BRPF1: variants seen among roughly 807,000 people sequenced by gnomAD.
BRPF1 encodes the protein bromodomain and PHD finger containing 1, also known as peregrin.
BRPF1 carries 15 observed loss-of-function variants against 115.0 expected under a neutral mutation model. That is an observed-to-expected ratio of 0.13 (90% confidence interval 0.09 to 0.20). BRPF1 has a LOEUF of 0.20. BRPF1 is among the 10% of genes least tolerant of loss of function. BRPF1 has a pLI of 1.00. For synonymous variants in BRPF1, 647 were observed against 619.8 expected, an observed-to-expected ratio of 1.04 and a Z score of -0.65; for missense variants, 1,118 against 1,638.3, an observed-to-expected ratio of 0.68 and a Z score of 5.48.
chr3:9,744,987 C>T, intron 9 of BRPF1, 21 bp from the exon 10 acceptor site: 1 of 1,614,176 alleles, frequency 6.2e-7, no homozygotes, highest in Non-Finnish European at 8.5e-7. Context: ...TCCTTCCCTC[C>T]TCCCCTTCCC....
In BRPF1 at chr3:9,744,437, G is replaced by C. The variant is rs1378593989; in HGVS notation, c.2849G>C (p.Arg950Pro). The C allele has an allele frequency of 5.0e-6, 8 of 1,605,962 alleles. No homozygotes were observed. Among genetic ancestry groups the C allele is most frequent in the Admixed American group, 3.4e-5 (2 of 58,390 alleles). ...PIMSSLRQRK[R>P]GRSPRPSSSS... ...ATGAGTTCCCTGCGTCAGCGCAAGC[G>C]GGGTAGGAGCCCCCGGCCCAGTTCG... The change falls in exon 9 of 14, where the codon CGG becomes CCG. Residue 950 changes from arginine to proline, a missense_variant. Arg to Pro is a moderately radical substitution (Grantham distance 103). Transcript: ENST00000383829.
At chr3:9,736,637 C>T (rs902295613) in intron 2 of BRPF1, among the ~76,000 whole-genome samples, 8 of 152,198 alleles carry the variant, frequency 5.3e-5, no homozygotes, top group African/African-American at 1.7e-4. Flanking sequence ...TAGACTGACT[C>T]TTTCTTTCTG....
rs2077126079 is a variant in BRPF1, at chr3:9,746,362, C to A, written c.3387C>A (p.Pro1129=). ...ACCATGGGGTTCCCATCCCTGTGCC[C>A]CCACTGGAGGTGCTGAAACTTGGGG... The part of the protein sequence containing the change: ...MFHHGVPIPV[P]PLEVLKLGEQ... Residue 1129 remains proline (P), a synonymous_variant, in exon 13 of 14, where the codon CCC becomes CCA. Transcript: ENST00000383829. 3 of 1,608,250 alleles carry A rather than the reference C, an allele frequency of 1.9e-6. No individual in the cohort carries two copies. The East Asian group carries it at 6.7e-5, about 36-fold the overall frequency.
chr3:9,742,499 C>T (rs1451357907), intron 6 of BRPF1: 1 of 985,330 alleles, frequency 1.0e-6, no homozygotes, highest in African/African-American at 1.7e-5. Context: ...AGAACCAGCT[C>T]TGAAGCCCTA....
chr3:9,741,564 G>T, intron 5 of BRPF1, 125 bp downstream of exon 5: 1 of 1,045,252 alleles, frequency 9.6e-7, no homozygotes, highest in Non-Finnish European at 1.3e-6. Flanking sequence ...GTGAACCTGG[G>T]AGGAGGGGTT....
At position 9,745,584 on chromosome 3, in the gene BRPF1, C is replaced by T. The variant is rs749116586; in HGVS notation, c.3080C>T (p.Ser1027Leu). The T allele has an allele frequency of 2.5e-6, 4 of 1,614,036 alleles. No homozygotes were observed. The highest frequency in any genetic ancestry group is 1.7e-6 in the Non-Finnish European group (2 of 1,179,982). The change falls in exon 11 of 14, where the codon TCA (serine) becomes TTA (leucine). Residue 1027 changes from serine to leucine, a missense_variant. By Grantham distance (145) the Ser-to-Leu change is moderately radical. This residue lies in a region of BRPF1 where 100 missense variants were observed against 109.9 expected (regional missense o/e 0.91). Coordinates refer to ENST00000383829, the MANE Select transcript of BRPF1 (RefSeq NM_001003694.2). The surrounding 1 kb of genome is among the most constrained non-coding windows in gnomAD (Gnocchi z 5.1). Reference protein sequence around the residue: ...AASDRTSTTPSKQGRGKPSFS... With the variant: ...AASDRTSTTPLKQGRGKPSFS... ...TGTCTTGTCCACAGCACAACGCCCT[C>T]AAAACAAGGCCGGGGCAAACCCTCC...
chr3:9,741,039 T>A (rs1361619186), intron 4 of BRPF1, 98 bp downstream of exon 4: 3 of 1,321,200 alleles, frequency 2.3e-6, no homozygotes, highest in Non-Finnish European at 3.1e-6. Flanking sequence ...GGGCTTAGAC[T>A]CTTTCCTCCT....
rs17050543 is a variant in BRPF1, at chr3:9,745,843, C to T, written c.3237C>T (p.Gly1079=). ...MVRKSLGRGA[G]WLSEDEDSPL... ...GGAAGAGTCTGGGCCGGGGAGCTGGCTGGCTGTCAGAGGATGAGGACTCCC... is the reference window on the plus strand; with the variant it reads ...GGAAGAGTCTGGGCCGGGGAGCTGGTTGGCTGTCAGAGGATGAGGACTCCC... Residue 1079 remains glycine (G), a synonymous_variant, in exon 12 of 14, where the codon GGC becomes GGT. Coordinates refer to ENST00000383829, the MANE Select transcript of BRPF1 (RefSeq NM_001003694.2). This position sits in a 1 kb window ranked among gnomAD's most constrained non-coding sequence, Gnocchi z 5.1. 0.041 allele frequency: 65,979 copies of T among 1,614,066 alleles called. 1,628 individuals carry two copies. The highest frequency in any genetic ancestry group is 0.083 in the South Asian group (7,576 of 91,058).
chr3:9,742,865 A>T, intron 6 of BRPF1, 79 bp from the exon 7 acceptor site: 1 of 1,470,854 alleles, frequency 6.8e-7, no homozygotes, highest in East Asian at 2.3e-5. Context: ...GATGTGTTTC[A>T]GGGGGGCTTG....
At position 9,741,879 on chromosome 3, in the gene BRPF1, C is replaced by T. The variant is rs1167440870; in HGVS notation, c.1855-146C>T. The T allele has an allele frequency of 5.6e-6, 5 of 891,478 alleles. No individual in the cohort carries two copies. In the East Asian group the frequency reaches 1.3e-4, roughly 24 times the overall value. The allele number at this position is 891,478 out of a possible 1,614,324, so 55.2% of individuals were successfully genotyped here. Reference sequence around the variant, plus strand: ...TGGTGCAAGTTTCCCTGGGTGGAGCCTCATAGAAGGTAGACCTGTATGAGT... The same window carrying T: ...TGGTGCAAGTTTCCCTGGGTGGAGCTTCATAGAAGGTAGACCTGTATGAGT... On this transcript the variant is annotated intron_variant, in intron 5 of 13. Coordinates refer to ENST00000383829, the MANE Select transcript of BRPF1 (RefSeq NM_001003694.2).
chr3:9,744,615 A>G lies in BRPF1; in HGVS notation c.2920+107A>G, dbSNP rs116141130. ...TTTGCCCATAAAAGAGCGAGCTAGAAGGGTCCTTAGGAATCCTTTAACTCC... is the reference window on the plus strand; with the variant it reads ...TTTGCCCATAAAAGAGCGAGCTAGAGGGGTCCTTAGGAATCCTTTAACTCC... On this transcript the variant is annotated intron_variant, in intron 9 of 13. Transcript: ENST00000383829. 530 of 833,478 alleles carry G rather than the reference A, an allele frequency of 6.4e-4. No individual in the cohort carries two copies. In the African/African-American group the frequency reaches 8.3e-3, roughly 13 times the overall value. 51.6% of individuals were successfully genotyped at this position (833,478 alleles called of 1,614,324 possible).
At chr3:9,732,556 C>T (rs1326051501) in intron 1 of BRPF1, 2 of 152,380 alleles carry the variant, frequency 1.3e-5, no homozygotes, top group South Asian at 4.1e-4. Context: ...GCCTGTGCCT[C>T]TGCTGCCGGG....
At position 9,745,139 on chromosome 3, in the gene BRPF1, G is replaced by C. The variant is rs1219386208; in HGVS notation, c.3052G>C (p.Ala1018Pro). The C allele has an allele frequency of 6.2e-7, 1 of 1,614,176 alleles. No homozygotes were observed. The highest frequency in any genetic ancestry group is 8.5e-7 in the Non-Finnish European group (1 of 1,180,026). ...ESSSSSSSSA[A>P]SDRTSTTPSK... Reference sequence around the variant, plus strand: ...CAGCAGCAGTAGCAGTAGCAGCGCTGCTTCAGACCGGACCAGGTACCAGCC... The same window carrying C: ...CAGCAGCAGTAGCAGTAGCAGCGCTCCTTCAGACCGGACCAGGTACCAGCC... Residue 1018 changes from alanine to proline, a missense_variant, in exon 10 of 14, where the codon GCT (alanine) becomes CCT (proline). This residue lies in a region of BRPF1 where 100 missense variants were observed against 109.9 expected (regional missense o/e 0.91). Transcript: ENST00000383829. The surrounding 1 kb of genome is among the most constrained non-coding windows in gnomAD (Gnocchi z 5.1).
chr3:9,734,346 G>A lies in BRPF1; in HGVS notation c.206G>A (p.Arg69His), dbSNP rs777932950. 11 of 1,613,846 alleles carry A rather than the reference G, an allele frequency of 6.8e-6. No individual in the cohort carries two copies. Among genetic ancestry groups the A allele is most frequent in the African/African-American group, 5.3e-5 (4 of 74,814 alleles). ...RKHKKKGRQS[R>H]PANKQSPSPS... ...CACAAGAAAAAGGGGCGCCAGTCAC[G>A]CCCAGCCAACAAGCAGTCACCCAGC... is the stretch of plus-strand genomic sequence containing the variant. Residue 69 changes from arginine to histidine, a missense_variant, in exon 2 of 14, where the codon CGC becomes CAC. This residue lies in a region of BRPF1 where 280 missense variants were observed against 382.8 expected (regional missense o/e 0.73). Transcript: ENST00000383829. This position sits in a 1 kb window ranked among gnomAD's most constrained non-coding sequence, Gnocchi z 5.7.
chr3:9,738,349 T>C (rs1487338928), intron 2 of BRPF1, among the ~76,000 whole-genome samples: 1 of 152,222 alleles, frequency 6.6e-6, no homozygotes, highest in Non-Finnish European at 1.5e-5. Context: ...AGAATAAATG[T>C]AATAGTTAAG....
At chr3:9,742,892 G>A in intron 6 of BRPF1, 52 bp from the exon 7 acceptor site, 1 of 1,570,626 alleles carries the variant, frequency 6.4e-7, no homozygotes, top group Non-Finnish European at 8.7e-7. Context: ...GCAGGGTTCG[G>A]GGCAATAAGG....
chr3:9,746,213 C>T (rs1435962329), intron 12 of BRPF1, 87 bp from the exon 13 acceptor site: 1 of 1,452,806 alleles, frequency 6.9e-7, no homozygotes, highest in Non-Finnish European at 9.2e-7. Flanking sequence ...TCTGTCCCCA[C>T]TTCAGACATA....
rs2076914540 is a variant in BRPF1, at chr3:9,734,902, TTACTC to T, written c.599+167_599+171del. ...GTGGAATGGTACGCCACTAATGCACTTACTCTACAGTGCCACACGCTACTCCTTTA... is the reference window on the plus strand; with the variant it reads ...GTGGAATGGTACGCCACTAATGCACTTACAGTGCCACACGCTACTCCTTTA... On this transcript the variant is annotated intron_variant, in intron 2 of 13. Transcript: ENST00000383829. The surrounding 1 kb of genome is among the most constrained non-coding windows in gnomAD (Gnocchi z 5.7). Among the ~76,000 whole-genome samples the T allele has an allele frequency of 6.6e-6, 1 of 152,172 alleles. No homozygotes were observed. Among genetic ancestry groups the T allele is most frequent in the African/African-American group, 2.4e-5 (1 of 41,422 alleles).
In BRPF1 at chr3:9,734,088, G is replaced by A; in HGVS notation, c.-10-43G>A. 2 of 1,530,714 alleles carry A rather than the reference G, an allele frequency of 1.3e-6. No individual in the cohort carries two copies. Among genetic ancestry groups the A allele is most frequent in the Non-Finnish European group, 1.8e-6 (2 of 1,139,094 alleles). 94.8% of individuals were successfully genotyped at this position (1,530,714 alleles called of 1,614,324 possible). A position where few individuals can be genotyped will look rare whatever the true frequency, so the allele number is the denominator to read the frequency against. On this transcript the variant is annotated intron_variant, in intron 1 of 13. Coordinates refer to ENST00000383829, the MANE Select transcript of BRPF1 (RefSeq NM_001003694.2). The surrounding 1 kb of genome is among the most constrained non-coding windows in gnomAD (Gnocchi z 5.7). ...TGGGGTCTCTGGTGCAAATGGCCAG[G>A]AACTCATCCCCAGCCTTATGTTAAC...
Sources: gnomAD v4.1 joint callset for allele counts (sites outside exome capture counted in the v4.1 genomes callset) on GRCh38, gnomAD v4.1.1 for gene constraint, gnomAD v4.1.1 regional missense constraint, Gnocchi (gnomAD v3.1) non-coding constraint, MANE v1.5 for transcripts, NCBI Gene and HGNC (gene_info 2026-07-23, HGNC 2026-07-21) for gene names.